The following ATP2C2 variants were observed in gnomAD, a reference collection of about 807,000 sequenced individuals.
The protein encoded by ATP2C2 is ATPase secretory pathway Ca2+ transporting 2.
ATP2C2 carries 171 observed loss-of-function variants against 110.8 expected under a neutral mutation model. That is an observed-to-expected ratio of 1.54 (90% CI 1.36 to 1.75). The LOEUF is 1.75. ATP2C2 is among the 40% of genes most tolerant of loss of function. The pLI, the probability that ATP2C2 is intolerant of heterozygous loss-of-function variation, is 0.00. For synonymous variants in ATP2C2, 804 were observed against 508.4 expected (o/e 1.58, Z -7.82); for missense variants, 1,963 against 1,235.0 (o/e 1.59, Z -8.84).
chr16:84,400,930 A>G (rs1279925832), intron 2 of ATP2C2, among the ~76,000 whole-genome samples: 7 of 152,326 alleles, frequency 4.6e-5, no homozygotes, highest in South Asian at 2.1e-4. Context: ...GTTTTCTCCT[A>G]TAGAGTTGTT....
chr16:84,452,197 A>C, intron 18 of ATP2C2, 106 bp downstream of exon 18: 4 of 1,376,668 alleles, frequency 2.9e-6, no homozygotes, highest in African/African-American at 1.5e-5. Flanking sequence ...AGGAGTGCTC[A>C]CGCCTAGCCC....
intron 1 of ATP2C2, among the ~76,000 whole-genome samples, chr16:84,372,450 T>G (rs1910009727): frequency 1.3e-5 from 2 of 152,136 alleles, no homozygotes; most frequent in South Asian, 4.1e-4. Context: ...GTTTTTTCTT[T>G]CGAGACAGTG....
At chr16:84,414,775 A>T (rs1254691669) in intron 6 of ATP2C2, among the ~76,000 whole-genome samples, 1 of 152,088 alleles carries the variant, frequency 6.6e-6, no homozygotes, top group Admixed American at 6.6e-5. Context: ...ATGGAATGAG[A>T]TGGGAGCTGC....
At chr16:84,396,175 C>G (rs1249155773) in intron 1 of ATP2C2, among the ~76,000 whole-genome samples, 1 of 152,084 alleles carries the variant, frequency 6.6e-6, no homozygotes, top group Non-Finnish European at 1.5e-5. Context: ...TAATTGGGCT[C>G]TTATCCTGAG....
chr16:84,408,638 C>CA (rs1205235100), intron 4 of ATP2C2, 144 bp downstream of exon 4: 1 of 658,250 alleles, frequency 1.5e-6, no homozygotes, highest in Non-Finnish European at 2.6e-6. Flanking sequence ...AAAGCAAATC[C>CA]ACATCCTTCT....
intron 1 of ATP2C2, among the ~76,000 whole-genome samples, chr16:84,391,287 A>G (rs891773390): frequency 6.6e-6 from 1 of 152,168 alleles, no homozygotes; most frequent in African/African-American, 2.4e-5. Flanking sequence ...CAAAGTAACA[A>G]GAAGCTACAG....
Position 84,422,624 on chromosome 16 carries a change from C to T in ATP2C2, c.775-5C>T, listed in dbSNP as rs1328257454. 1.9e-6 allele frequency: 3 copies of T among 1,612,730 alleles called. No individual in the cohort carries two copies. Among genetic ancestry groups the T allele is most frequent in the East Asian group, 2.2e-5 (1 of 44,874 alleles). On this transcript the variant is annotated splice_region_variant and splice_polypyrimidine_tract_variant and intron_variant, in intron 8 of 26. Transcript: ENST00000262429. ...ATTTCATACTTCTCTCTCTCCTGGA[C>T]ACAGGGGGTCGTGATTGGAACAGGG... is the stretch of plus-strand genomic sequence containing the variant.
intron 6 of ATP2C2, among the ~76,000 whole-genome samples, chr16:84,412,003 T>C (rs55851894): frequency 0.19 from 28,282 of 150,520 alleles, 2,692 homozygotes; most frequent in South Asian, 0.27. Flanking sequence ...CTTTCTTTCT[T>C]TTTCTTTTTG....
intron 2 of ATP2C2, among the ~76,000 whole-genome samples, chr16:84,400,684 T>G (rs549755685): frequency 6.6e-6 from 1 of 152,174 alleles, no homozygotes; most frequent in African/African-American, 2.4e-5. Context: ...TAATTTACAT[T>G]CCTACCAACA....
chr16:84,393,483 A>G (rs1339747127), intron 1 of ATP2C2, among the ~76,000 whole-genome samples: 2 of 152,256 alleles, frequency 1.3e-5, no homozygotes, highest in East Asian at 3.9e-4. Context: ...TGGCCTTGAA[A>G]CACCGAAATG....
intron 1 of ATP2C2, 38 bp from the exon 2 acceptor site, chr16:84,398,461 G>T: frequency 1.4e-6 from 2 of 1,411,098 alleles, no homozygotes; most frequent in East Asian, 2.4e-5. Flanking sequence ...CAGTACAAAA[G>T]TTCAATCCGC....
At chr16:84,436,322 G>A (rs931185489) in intron 11 of ATP2C2, among the ~76,000 whole-genome samples, 2 of 152,228 alleles carry the variant, frequency 1.3e-5, no homozygotes, top group African/African-American at 4.8e-5. Flanking sequence ...TGGTGACTTG[G>A]TGGTGGCTCT....
rs760347866 is a variant in ATP2C2, at chr16:84,460,710, G to A, written c.2390G>A (p.Arg797Gln). 89 of 1,614,060 alleles carry A rather than the reference G, an allele frequency of 5.5e-5. No homozygotes were observed. The highest frequency in any genetic ancestry group is 1.3e-4 in the African/African-American group (10 of 74,924). Residue 797 changes from arginine (R) to glutamine (Q), a missense_variant, in exon 24 of 27, where the codon CGG becomes CAG. Coordinates refer to ENST00000262429, the MANE Select transcript of ATP2C2 (RefSeq NM_014861.4). ...DAFRQPPRSV[R>Q]DTILSRALIL... The stretch of plus-strand genomic sequence containing the variant: ...TTCAGGCAGCCACCACGGAGTGTGC[G>A]GGACACCATCCTCAGCAGAGCCCTC...
chr16:84,428,389 A>C (rs74341449), intron 11 of ATP2C2, among the ~76,000 whole-genome samples: 1,683 of 152,350 alleles, frequency 0.011, 23 homozygotes, highest in African/African-American at 0.039. Context: ...CAGGTGGTAA[A>C]ATCAACATGT....
intron 11 of ATP2C2, among the ~76,000 whole-genome samples, chr16:84,435,711 C>T (rs1204322894): frequency 1.8e-5 from 1 of 54,282 alleles, no homozygotes; most frequent in Admixed American, 1.5e-4. Context: ...GCCTATGTCC[C>T]GGCTACCAGG....
intron 1 of ATP2C2, among the ~76,000 whole-genome samples, chr16:84,389,774 A>G (rs1451936655): frequency 7.0e-6 from 1 of 143,396 alleles, no homozygotes; most frequent in African/African-American, 2.6e-5. Context: ...AGGCTGGAGT[A>G]CGGTGGCGCT....
chr16:84,460,341 C>G (rs1003504469), intron 23 of ATP2C2: 12 of 375,070 alleles, frequency 3.2e-5, no homozygotes, highest in African/African-American at 2.0e-4. Flanking sequence ...TCTCCAGGCG[C>G]AACGTTGGGG....
At chr16:84,415,933 A>C (rs1441774461) in intron 7 of ATP2C2, among the ~76,000 whole-genome samples, 1 of 151,340 alleles carries the variant, frequency 6.6e-6, no homozygotes, top group East Asian at 1.9e-4. Context: ...TGTTAGAAAG[A>C]AGTGATATTA....
chr16:84,430,510 A>G (rs193698), intron 11 of ATP2C2, among the ~76,000 whole-genome samples: 135,294 of 151,832 alleles, frequency 0.89, 60,319 homozygotes, highest in East Asian at 0.94. Context: ...GCGTGGTGGC[A>G]CGTGCCTATA....
Sources: gnomAD v4.1 joint callset for allele counts (sites outside exome capture counted in the v4.1 genomes callset) on GRCh38, gnomAD v4.1.1 for gene constraint, MANE v1.5 for transcripts, NCBI Gene and HGNC (gene_info 2026-07-23, HGNC 2026-07-21) for gene names.